Variants in RBFOX1 observed in about 807,000 individuals in gnomAD.
The protein encoded by RBFOX1 is RNA binding protein fox-1 homolog 1.
Under a neutral mutation model 57.7 loss-of-function variants are expected in RBFOX1, and 8 were observed. That is an observed-to-expected ratio of 0.14 (90% CI 0.08 to 0.25). RBFOX1 has a LOEUF of 0.25. RBFOX1 is among the 10% of genes least tolerant of loss of function. The pLI is 1.00. For synonymous variants in RBFOX1, 326 were observed against 222.4 expected, an observed-to-expected ratio of 1.47 and a Z score of -4.15; for missense variants, 611 against 548.5, an observed-to-expected ratio of 1.11 and a Z score of -1.14.
chr16:6,478,416 TA>T (rs1567368682), intron 2 of RBFOX1, among the ~76,000 whole-genome samples: 491 of 24,560 alleles, frequency 0.02, 4 homozygotes, highest in Non-Finnish European at 0.025. Flanking sequence ...TATATATATA[TA>T]TATATATATA....
intron 4 of RBFOX1, among the ~76,000 whole-genome samples, chr16:5,989,571 G>T (rs534912643): frequency 6.6e-6 from 1 of 152,020 alleles, no homozygotes; most frequent in African/African-American, 2.4e-5. Flanking sequence ...GCAAGGGCTC[G>T]CCGACCTAGA....
intron 1 of RBFOX1, among the ~76,000 whole-genome samples, chr16:5,281,372 T>C (rs556552874): frequency 6.6e-6 from 1 of 152,310 alleles, no homozygotes; most frequent in South Asian, 2.1e-4. Flanking sequence ...GAATGTTCCA[T>C]GTGTTGATGA....
intron 2 of RBFOX1, among the ~76,000 whole-genome samples, chr16:6,497,678 T>A (rs1271602748): frequency 6.6e-6 from 1 of 151,968 alleles, no homozygotes; most frequent in Admixed American, 6.6e-5. Context: ...TGCCTCAGCC[T>A]CCTGAGTAGC....
chr16:6,473,594 A>G (rs2095225879), intron 2 of RBFOX1, among the ~76,000 whole-genome samples: 1 of 151,644 alleles, frequency 6.6e-6, no homozygotes, highest in South Asian at 2.1e-4. Context: ...GTTGGTCTTT[A>G]TTGAAGAAAT....
chr16:5,839,657 A>C (rs952677596), intron 3 of RBFOX1, among the ~76,000 whole-genome samples: 4 of 152,198 alleles, frequency 2.6e-5, no homozygotes, highest in African/African-American at 9.6e-5. Context: ...TCAGGAATTC[A>C]AGCTTTACTT....
At chr16:7,208,423 C>T (rs750433040) in intron 4 of RBFOX1, among the ~76,000 whole-genome samples, 9 of 152,102 alleles carry the variant, frequency 5.9e-5, no homozygotes, top group Non-Finnish European at 1.0e-4. Flanking sequence ...CATCTGCTTC[C>T]GGTGAGGACT....
chr16:6,966,016 G>A (rs551300428), intron 3 of RBFOX1, among the ~76,000 whole-genome samples: 8 of 152,266 alleles, frequency 5.3e-5, no homozygotes, highest in Non-Finnish European at 1.2e-4. Flanking sequence ...GCGTATCATA[G>A]AAAATCGGAG....
At chr16:7,080,953 G>A (rs12929008) in intron 4 of RBFOX1, among the ~76,000 whole-genome samples, 106,045 of 152,118 alleles carry the variant, frequency 0.7, 37,825 homozygotes, top group East Asian at 0.91. Context: ...AGCACCTTTA[G>A]TAACTAAAGC....
At chr16:6,328,227 A>G (rs941204152) in intron 2 of RBFOX1, among the ~76,000 whole-genome samples, 3 of 152,168 alleles carry the variant, frequency 2.0e-5, no homozygotes, top group African/African-American at 4.8e-5. Flanking sequence ...GAGCTAAGCT[A>G]TGAGAATGCA....
intron 4 of RBFOX1, among the ~76,000 whole-genome samples, chr16:7,078,839 C>G (rs1300832884): frequency 6.8e-6 from 1 of 147,546 alleles, no homozygotes; most frequent in Non-Finnish European, 1.5e-5. Flanking sequence ...TGTGCCACCA[C>G]GCCCAGCTAA....
chr16:6,711,688 T>A (rs754031323), intron 3 of RBFOX1, among the ~76,000 whole-genome samples: 153 of 152,304 alleles, frequency 1.0e-3, no homozygotes, highest in Non-Finnish European at 2.0e-3. Flanking sequence ...CTTACTTTAT[T>A]AAGTCTCAGG....
At chr16:7,022,655 G>T (rs1485948584) in intron 3 of RBFOX1, among the ~76,000 whole-genome samples, 1 of 151,984 alleles carries the variant, frequency 6.6e-6, no homozygotes, top group Non-Finnish European at 1.5e-5. Context: ...GCCCATCCCC[G>T]TATAGAGCTG....
rs2060803045 is a variant in RBFOX1, at chr16:7,630,653, G to T, written c.727G>T (p.Ala243Ser). ...ANQEGSSMYS[A>S]PSSLVYTSAM... is the part of the protein sequence containing the mutation. ...CCAGGAGGGATCTTCCATGTACAGT[G>T]CCCCCAGTTCACTTGTATATACTTC... The change falls in exon 11 of 16, where the codon GCC becomes TCC. Residue 243 changes from alanine (A) to serine (S), a missense_variant. Ala to Ser is a moderately conservative substitution (Grantham distance 99). Coordinates refer to ENST00000550418, the MANE Select transcript of RBFOX1 (RefSeq NM_018723.4). 6.2e-7 allele frequency: 1 copy of T among 1,614,130 alleles called. No homozygotes were observed. The highest frequency in any genetic ancestry group is 8.5e-7 in the Non-Finnish European group (1 of 1,180,032).
intron 2 of RBFOX1, among the ~76,000 whole-genome samples, chr16:6,321,425 C>G (rs758534976): frequency 2.0e-5 from 3 of 152,158 alleles, no homozygotes; most frequent in Non-Finnish European, 2.9e-5. Context: ...TTGCTACTGT[C>G]TCAAGCCCCA....
At chr16:5,447,410 CG>C (rs2068281131) in intron 1 of RBFOX1, among the ~76,000 whole-genome samples, 1 of 147,570 alleles carries the variant, frequency 6.8e-6, no homozygotes, top group African/African-American at 2.5e-5. Flanking sequence ...CTCTCTCTCT[CG>C]ACGCAGTCTT....
intron 1 of RBFOX1, among the ~76,000 whole-genome samples, chr16:5,251,753 A>T (rs919676746): frequency 3.4e-5 from 2 of 59,462 alleles, no homozygotes; most frequent in African/African-American, 1.4e-4. Context: ...TTTGATCTGG[A>T]TGATGGTTGT....
At chr16:6,698,431 A>C (rs2061361031) in intron 3 of RBFOX1, among the ~76,000 whole-genome samples, 1 of 152,104 alleles carries the variant, frequency 6.6e-6, no homozygotes, top group Admixed American at 6.5e-5. Context: ...CATTCTTGTG[A>C]AGTTCTCCTG....
At chr16:6,959,395 G>A (rs113149684) in intron 3 of RBFOX1, among the ~76,000 whole-genome samples, 233 of 152,276 alleles carry the variant, frequency 1.5e-3, no homozygotes, top group African/African-American at 5.1e-3. Context: ...CGTTTTGTGG[G>A]GTTTCTAAGA....
At chr16:7,587,757 C>G (rs1055426226) in intron 7 of RBFOX1, among the ~76,000 whole-genome samples, 6 of 152,112 alleles carry the variant, frequency 3.9e-5, no homozygotes, top group Admixed American at 2.0e-4. Context: ...GTATGTTTAC[C>G]GATCCACATT....
Sources: allele counts gnomAD v4.1 joint callset (sites outside exome capture counted in the v4.1 genomes callset), GRCh38; gene constraint gnomAD v4.1.1; transcripts MANE v1.5; gene names NCBI Gene and HGNC (gene_info 2026-07-23, HGNC 2026-07-21).